Variants in EXOC2 observed in about 807,000 individuals in gnomAD.
EXOC2 encodes the protein exocyst complex component 2.
In EXOC2, 70 loss-of-function variants were observed where a neutral mutation model predicts 131.8. The observed-to-expected ratio is 0.53, with a 90% CI of 0.44 to 0.65. The LOEUF is 0.65. EXOC2 is among the 30% of genes least tolerant of loss of function. EXOC2 has a pLI of 0.00. For synonymous variants in EXOC2, 411 were observed against 398.4 expected, an observed-to-expected ratio of 1.03 and a Z score of -0.38; for missense variants, 923 against 1,108.6, an observed-to-expected ratio of 0.83 and a Z score of 2.38.
intron 4 of EXOC2, among the ~76,000 whole-genome samples, chr6:623,181 G>A (rs560527808): frequency 3.1e-4 from 47 of 152,342 alleles, no homozygotes; most frequent in African/African-American, 1.1e-3. Flanking sequence ...GGACACGGGT[G>A]GCAGAGCCTG....
chr6:573,954 GTT>G (rs1031224049), intron 12 of EXOC2, among the ~76,000 whole-genome samples: 4 of 152,064 alleles, frequency 2.6e-5, no homozygotes, highest in African/African-American at 9.7e-5. Flanking sequence ...CACGTTTTTG[GTT>G]TTTACACAAA....
At position 497,457 on chromosome 6, in the gene EXOC2, C is replaced by T. The variant is rs1013787280; in HGVS notation, c.2469G>A (p.Arg823=). 1.2e-6 allele frequency: 2 copies of T among 1,613,452 alleles called. No individual in the cohort carries two copies. Among genetic ancestry groups the T allele is most frequent in the Non-Finnish European group, 1.7e-6 (2 of 1,179,764 alleles). Residue 823 remains arginine (R), a synonymous_variant, in exon 25 of 28, where the codon CGG becomes CGA. Coordinates refer to ENST00000230449, the MANE Select transcript of EXOC2 (RefSeq NM_018303.6). ...VFTISKELVP[R]VLSKVIEAVS... is the part of the protein sequence containing the mutation. Reference sequence around the variant, plus strand: ...CTGCTTCTATCACCTTGGATAGTACCCGAGGGACCAGTTCTTTGGAAATGG... The same window carrying T: ...CTGCTTCTATCACCTTGGATAGTACTCGAGGGACCAGTTCTTTGGAAATGG...
At chr6:559,429 A>G (rs1455083639) in intron 17 of EXOC2, among the ~76,000 whole-genome samples, 1 of 152,144 alleles carries the variant, frequency 6.6e-6, no homozygotes, top group African/African-American at 2.4e-5. Flanking sequence ...TAGCTAAAAA[A>G]CTGACTCAGT....
chr6:534,926 A>G (rs1454954260), intron 22 of EXOC2, among the ~76,000 whole-genome samples: 1 of 152,244 alleles, frequency 6.6e-6, no homozygotes, highest in Non-Finnish European at 1.5e-5. Context: ...AGGCATCCAA[A>G]AGGGAAATAC....
In EXOC2 at chr6:553,837, G is replaced by C. The variant is rs1561849509; in HGVS notation, c.2121+17C>G. The stretch of plus-strand genomic sequence containing the variant: ...CAGTTTTAAAATGGTTTACTTTCTA[G>C]TTATCGTCTGACTTACTGAGGTCAA... On this transcript the variant is annotated intron_variant, in intron 21 of 27. Transcript: ENST00000230449. 6.2e-7 allele frequency: 1 copy of C among 1,605,592 alleles called. No homozygotes were observed. The highest frequency in any genetic ancestry group is 2.2e-5 in the East Asian group (1 of 44,824).
intron 18 of EXOC2, 109 bp from the exon 19 acceptor site, chr6:556,122 T>C (rs1757407278): frequency 1.0e-6 from 1 of 981,406 alleles, no homozygotes; most frequent in Non-Finnish European, 1.6e-6. Context: ...GCAGGAGTGG[T>C]GCCCTTCCTA....
chr6:580,591 T>C (rs1455795362), intron 11 of EXOC2, among the ~76,000 whole-genome samples: 1 of 152,136 alleles, frequency 6.6e-6, no homozygotes, highest in East Asian at 1.9e-4. Context: ...TTTGGGCCAA[T>C]ACTACCAAAT....
intron 26 of EXOC2, among the ~76,000 whole-genome samples, chr6:490,290 T>C (rs1021589946): frequency 6.6e-5 from 10 of 152,166 alleles, no homozygotes; most frequent in African/African-American, 2.2e-4. Context: ...AGGGTAGGCA[T>C]TTGCATGAAG....
At chr6:524,040 T>TG (rs747626454) in intron 23 of EXOC2, 1 of 152,212 alleles carries the variant, frequency 6.6e-6, no homozygotes, top group African/African-American at 2.4e-5. Flanking sequence ...GAGGAGAACT[T>TG]GAAGTTTGAT....
At chr6:648,878 T>C (rs954852824) in intron 1 of EXOC2, among the ~76,000 whole-genome samples, 7 of 151,626 alleles carry the variant, frequency 4.6e-5, no homozygotes, top group Non-Finnish European at 7.4e-5. Context: ...TGCACCACCA[T>C]GCCTGCCTAA....
intron 27 of EXOC2, among the ~76,000 whole-genome samples, chr6:487,696 C>G (rs760758121): frequency 1.2e-4 from 18 of 152,144 alleles, no homozygotes; most frequent in Non-Finnish European, 1.0e-4. Context: ...TGAGCCACTG[C>G]GCCCGGCCCA....
intron 23 of EXOC2, among the ~76,000 whole-genome samples, chr6:505,018 T>A (rs1452195964): frequency 6.6e-6 from 1 of 152,180 alleles, no homozygotes; most frequent in Non-Finnish European, 1.5e-5. Flanking sequence ...GGTATTAAGT[T>A]TGGACAATGG....
Position 615,537 on chromosome 6 carries a change from G to A in EXOC2, c.661+2174C>T, listed in dbSNP as rs768012422. Among the ~76,000 whole-genome samples, 9 of 152,042 alleles carry A rather than the reference G, an allele frequency of 5.9e-5. 1 individual carries two copies. The highest frequency in any genetic ancestry group is 1.3e-4 in the Admixed American group (2 of 15,254). On this transcript the variant is annotated intron_variant, in intron 6 of 27. Coordinates refer to ENST00000230449, the MANE Select transcript of EXOC2 (RefSeq NM_018303.6). ...ACCTTGTTTCTTCAACAAATCAATA[G>A]CATGAAAAACCAGAAACAGGCTGGG...
chr6:555,044 A>AGGG (rs542005124), intron 20 of EXOC2, among the ~76,000 whole-genome samples, 183 bp downstream of exon 20: 4 of 152,332 alleles, frequency 2.6e-5, no homozygotes, highest in Non-Finnish European at 4.4e-5. Flanking sequence ...TAAGGCAAAG[A>AGGG]TGAGTTGAAA....
intron 22 of EXOC2, among the ~76,000 whole-genome samples, chr6:533,022 G>T (rs182169112): frequency 6.6e-6 from 1 of 152,174 alleles, no homozygotes; most frequent in Non-Finnish European, 1.5e-5. Flanking sequence ...AGAAGGAGAA[G>T]TACCCAGTGG....
At chr6:685,153 A>C (rs903873434) in intron 1 of EXOC2, among the ~76,000 whole-genome samples, 5 of 136,724 alleles carry the variant, frequency 3.7e-5, no homozygotes, top group Admixed American at 2.2e-4. Context: ...CACACACACA[A>C]CCCTCCCAAA....
chr6:555,435 A>T (rs552281354), intron 19 of EXOC2, 147 bp from the exon 20 acceptor site: 19 of 467,588 alleles, frequency 4.1e-5, no homozygotes, highest in Admixed American at 7.2e-5. Context: ...ATATGTGTAT[A>T]TACTGTATAT....
At chr6:518,780 T>C (rs1333257718) in intron 23 of EXOC2, among the ~76,000 whole-genome samples, 1 of 152,240 alleles carries the variant, frequency 6.6e-6, no homozygotes, top group African/African-American at 2.4e-5. Context: ...ATGAAAATTA[T>C]ACTCCTTTAG....
At position 614,080 on chromosome 6, in the gene EXOC2, C is replaced by G. The variant is rs903557625; in HGVS notation, c.661+3631G>C. ...TTATGCACCAAAGAATTTAATCTTG[C>G]CCCCCAAAAGGTCTGGCCTTTGTCC... On this transcript the variant is annotated intron_variant, in intron 6 of 27. Coordinates refer to ENST00000230449, the MANE Select transcript of EXOC2 (RefSeq NM_018303.6). Among the ~76,000 whole-genome samples, 11 of 152,070 alleles carry G rather than the reference C, an allele frequency of 7.2e-5. No individual in the cohort carries two copies. In the East Asian group the frequency reaches 2.1e-3, roughly 29 times the overall value.
Sources: allele counts gnomAD v4.1 joint callset (sites outside exome capture counted in the v4.1 genomes callset), GRCh38; gene constraint gnomAD v4.1.1; transcripts MANE v1.5; gene names NCBI Gene and HGNC (gene_info 2026-07-23, HGNC 2026-07-21).